SDK1: variants seen among roughly 807,000 people sequenced by gnomAD.
SDK1 encodes the protein protein sidekick-1.
Under a neutral mutation model 245.5 loss-of-function variants are expected in SDK1, and 157 were observed. The ratio of observed to expected loss-of-function variants is 0.64; its 90% CI spans 0.56 to 0.73. The LOEUF is 0.73. Ranked by LOEUF, SDK1 falls within the 30% of genes least tolerant of loss-of-function variation. The probability of loss-of-function intolerance (pLI) is 0.00; values close to 1 mark genes in which losing one functional copy is unlikely to be tolerated. For missense variants in SDK1, 3,583 were observed against 3,002.3 expected, an observed-to-expected ratio of 1.19 and a Z score of -4.52; for synonymous variants, 1,647 against 1,278.5, an observed-to-expected ratio of 1.29 and a Z score of -6.15.
At chr7:3,955,001 T>A (rs1781144869) in intron 7 of SDK1, among the ~76,000 whole-genome samples, 1 of 151,852 alleles carries the variant, frequency 6.6e-6, no homozygotes, top group African/African-American at 2.4e-5. Flanking sequence ...GCCCCTTACC[T>A]CTGACTGCAG....
At chr7:4,053,159 C>G (rs1778983175) in intron 19 of SDK1, among the ~76,000 whole-genome samples, 1 of 151,900 alleles carries the variant, frequency 6.6e-6, no homozygotes, top group African/African-American at 2.4e-5. Context: ...GTCTCTCCCC[C>G]AGTGCTGGAT....
intron 14 of SDK1, among the ~76,000 whole-genome samples, chr7:4,005,397 T>A (rs895793412): frequency 7.4e-5 from 7 of 94,390 alleles, no homozygotes; most frequent in African/African-American, 2.5e-4. Flanking sequence ...TATGTGAGTG[T>A]GTGTGTGTGT....
Position 4,266,336 on chromosome 7 carries a change from T to C in SDK1, c.*952T>C. 1.0e-6 allele frequency: 1 copy of C among 985,474 alleles called. No individual in the cohort carries two copies. Among genetic ancestry groups the C allele is most frequent in the Non-Finnish European group, 1.2e-6 (1 of 829,942 alleles). The allele number at this position is 985,474 out of a possible 1,614,324, so 61.0% of individuals were successfully genotyped here. The stretch of plus-strand genomic sequence containing the variant: ...TGTCTCCAGGTGCCTTTTTATTAAT[T>C]GTTCAGCTTTGTACATGGGAAAGAT... On this transcript the variant is annotated 3_prime_UTR_variant, in exon 45 of 45. Coordinates refer to ENST00000404826, the MANE Select transcript of SDK1 (RefSeq NM_152744.4).
intron 40 of SDK1, among the ~76,000 whole-genome samples, chr7:4,227,866 T>A (rs992574709): frequency 6.6e-6 from 1 of 152,218 alleles, no homozygotes; most frequent in South Asian, 2.1e-4. Flanking sequence ...GGAACAGATG[T>A]GCCTCCTACC....
At chr7:3,631,291 A>G (rs1027297271) in intron 2 of SDK1, among the ~76,000 whole-genome samples, 2 of 152,176 alleles carry the variant, frequency 1.3e-5, no homozygotes, top group Admixed American at 6.5e-5. Flanking sequence ...GTACTCACCA[A>G]GAAGAAAGTC....
chr7:4,248,095 A>G (rs1349553554), intron 44 of SDK1, among the ~76,000 whole-genome samples: 3 of 152,154 alleles, frequency 2.0e-5, no homozygotes. Context: ...GCAAATGTTT[A>G]TGGAAGATTA....
At chr7:3,466,056 C>A (rs77835112) in intron 1 of SDK1, among the ~76,000 whole-genome samples, 2,269 of 152,098 alleles carry the variant, frequency 0.015, 55 homozygotes, top group African/African-American at 0.05. Context: ...CTCAGATGGG[C>A]AACTCAGCTA....
At chr7:3,315,817 A>G (rs1204403102) in intron 1 of SDK1, among the ~76,000 whole-genome samples, 1 of 152,174 alleles carries the variant, frequency 6.6e-6, no homozygotes, top group Non-Finnish European at 1.5e-5. Context: ...ATTAATGGGA[A>G]CCTGGGATTT....
At chr7:3,508,622 C>T (rs1398151276) in intron 1 of SDK1, among the ~76,000 whole-genome samples, 1 of 152,138 alleles carries the variant, frequency 6.6e-6, no homozygotes, top group Admixed American at 6.6e-5. Context: ...GCCACCCCGC[C>T]CAGCCTTACA....
chr7:3,908,039 G>A (rs1408742356), intron 5 of SDK1, among the ~76,000 whole-genome samples: 1 of 152,076 alleles, frequency 6.6e-6, no homozygotes, highest in Non-Finnish European at 1.5e-5. Flanking sequence ...TGTTTCCTGA[G>A]CCTTCTCATC....
Position 4,145,797 on chromosome 7 carries a change from G to T in SDK1, c.4304G>T (p.Arg1435Met), listed in dbSNP as rs1779929058. 1 of 1,613,788 alleles carries T rather than the reference G, an allele frequency of 6.2e-7. No individual in the cohort carries two copies. ...ACCGTGGAGGTCGGCGCCACAGTGA[G>T]GCAGTTCACAGCCACCGACCTGGCC... ...FTTVEVGATVRQFTATDLAPE... is the reference protein window; with the variant it reads ...FTTVEVGATVMQFTATDLAPE... Residue 1435 changes from arginine to methionine, a missense_variant, in exon 29 of 45, where the codon AGG becomes ATG. Arg to Met is a moderately conservative substitution (Grantham distance 91). Transcript: ENST00000404826.
At chr7:3,788,877 G>A (rs771247725) in intron 4 of SDK1, among the ~76,000 whole-genome samples, 14 of 152,142 alleles carry the variant, frequency 9.2e-5, no homozygotes, top group Admixed American at 2.0e-4. Flanking sequence ...TGTAGGCTGC[G>A]TGAGTCTCCT....
intron 40 of SDK1, chr7:4,227,285 T>TTCTCATAAGC (rs1785499941): frequency 2.2e-6 from 1 of 445,560 alleles, no homozygotes; most frequent in Non-Finnish European, 4.7e-6. Flanking sequence ...CTGCTTGTCT[T>TTCTCATAAGC]TCTCATAAGC....
intron 14 of SDK1, among the ~76,000 whole-genome samples, chr7:4,009,053 C>T (rs545454072): frequency 3.3e-5 from 5 of 152,364 alleles, no homozygotes; most frequent in African/African-American, 1.2e-4. Flanking sequence ...TCCTTCCCAA[C>T]ACCTGTTATT....
intron 5 of SDK1, among the ~76,000 whole-genome samples, chr7:3,902,315 C>G (rs1186791336): frequency 6.6e-6 from 1 of 152,194 alleles, no homozygotes; most frequent in Non-Finnish European, 1.5e-5. Flanking sequence ...CCTTCTCCCA[C>G]AATAAGAACC....
chr7:4,230,472 G>A (rs906804953), intron 40 of SDK1, among the ~76,000 whole-genome samples: 3 of 144,438 alleles, frequency 2.1e-5, no homozygotes, highest in African/African-American at 7.7e-5. Flanking sequence ...TGGAGGGCAG[G>A]GGGAAGGAAG....
intron 4 of SDK1, among the ~76,000 whole-genome samples, chr7:3,682,722 GT>G (rs67113946): frequency 0.096 from 14,214 of 148,698 alleles, 808 homozygotes; most frequent in South Asian, 0.22. Context: ...TGGATTTACA[GT>G]TTTTTTTTTT....
rs537552829 is a variant in SDK1 at position 3,306,149 on chromosome 7, C to T, written c.298+4265C>T. Among the ~76,000 whole-genome samples, 3 of 152,206 alleles carry T rather than the reference C, an allele frequency of 2.0e-5. No individual in the cohort carries two copies. The South Asian group carries it at 6.2e-4, about 32-fold the overall frequency. ...GACGGTGGTTGATATTTTCTAAAAACAGTATTGAGTAATCTGACCTCAAGT... is the reference window on the plus strand; with the variant it reads ...GACGGTGGTTGATATTTTCTAAAAATAGTATTGAGTAATCTGACCTCAAGT... On this transcript the variant is annotated intron_variant, in intron 1 of 44. Transcript: ENST00000404826.
At chr7:4,115,402 C>T (rs559783056) in intron 25 of SDK1, among the ~76,000 whole-genome samples, 1 of 152,282 alleles carries the variant, frequency 6.6e-6, no homozygotes, top group East Asian at 1.9e-4. Context: ...GGTCAGTGGC[C>T]AGAGGAAAAG....
Sources: allele counts gnomAD v4.1 joint callset (sites outside exome capture counted in the v4.1 genomes callset), GRCh38; gene constraint gnomAD v4.1.1; transcripts MANE v1.5; gene names NCBI Gene and HGNC (gene_info 2026-07-23, HGNC 2026-07-21).